Variants in NEB observed in about 807,000 individuals in gnomAD.
NEB encodes nemaline myopathy type 2.
Under a neutral mutation model 952.2 loss-of-function variants are expected in NEB, and 512 were observed. That is an observed-to-expected ratio of 0.54 (90% confidence interval 0.50 to 0.58). The LOEUF (loss-of-function observed/expected upper bound fraction) is 0.58, where lower values mean the gene tolerates loss of function less well. NEB is among the 20% of genes least tolerant of loss of function. NEB has a pLI of 0.00. For synonymous variants in NEB, 2,900 were observed against 3,149.8 expected, an observed-to-expected ratio of 0.92 and a Z score of 2.66; for missense variants, 8,428 against 9,231.1, an observed-to-expected ratio of 0.91 and a Z score of 3.56.
At chr2:151,490,591 A>G (rs1368940813) in intron 179 of NEB, 73 bp from the exon 180 acceptor site, 6 of 1,518,702 alleles carry the variant, frequency 4.0e-6, no homozygotes, top group Non-Finnish European at 5.4e-6. Flanking sequence ...ACAGTGATTG[A>G]ATCTCAGTTA....
At chr2:151,568,575 A>G in intron 111 of NEB, 43 bp downstream of exon 111, 2 of 1,506,540 alleles carry the variant, frequency 1.3e-6, no homozygotes, top group East Asian at 2.3e-5. Flanking sequence ...TTTGGAAGTG[A>G]TATCTGCATC....
At chr2:151,654,860 T>C (rs2099071187) in intron 51 of NEB, among the ~76,000 whole-genome samples, 2 of 152,206 alleles carry the variant, frequency 1.3e-5, no homozygotes, top group South Asian at 4.1e-4. Flanking sequence ...TATTTATGTA[T>C]TTATTTATTA....
At chr2:151,634,067 T>A in intron 64 of NEB, 102 bp from the exon 65 acceptor site, 1 of 1,326,094 alleles carries the variant, frequency 7.5e-7, no homozygotes, top group South Asian at 1.4e-5. Context: ...CTGACTTTTG[T>A]TAACAAGTAC....
At chr2:151,709,060 G>A (rs1440976140) in intron 12 of NEB, among the ~76,000 whole-genome samples, 2 of 152,210 alleles carry the variant, frequency 1.3e-5, no homozygotes, top group African/African-American at 4.8e-5. Context: ...TCTCTTTAGT[G>A]ACCATCGTGC....
In NEB at chr2:151,493,465, A is replaced by G. The variant is rs886038450; in HGVS notation, c.24673-20T>C. ...CAATACCTAGGGAAGCCAAAAGAGC[A>G]TCTAGGCATCAGACAGCAGAAAACC... On this transcript the variant is annotated intron_variant, in intron 175 of 181. Coordinates refer to ENST00000397345, the MANE Select transcript of NEB (RefSeq NM_001164508.2). 3 of 1,507,912 alleles carry G rather than the reference A, an allele frequency of 2.0e-6. No homozygotes were observed. Among genetic ancestry groups the G allele is most frequent in the Non-Finnish European group, 2.7e-6 (3 of 1,107,776 alleles). 93.4% of individuals were successfully genotyped at this position (1,507,912 alleles called of 1,614,324 possible). A position where few individuals can be genotyped will look rare whatever the true frequency, so the allele number is the denominator to read the frequency against.
At chr2:151,567,018 T>C in intron 114 of NEB, 150 bp downstream of exon 114, 1 of 674,488 alleles carries the variant, frequency 1.5e-6, no homozygotes, top group South Asian at 2.5e-5. Context: ...CTGCTCCTGA[T>C]CTTTCTTCAT....
intron 121 of NEB, among the ~76,000 whole-genome samples, chr2:151,561,572 CTT>C (rs376827489): frequency 1.3e-4 from 18 of 133,634 alleles, no homozygotes; most frequent in Middle Eastern, 4.0e-3. Context: ...CAGCCCCTCA[CTT>C]TTTTTTTTTT....
Position 151,516,746 on chromosome 2 carries a change from T to C in NEB, c.22801-183A>G, listed in dbSNP as rs544217482. Among the ~76,000 whole-genome samples the C allele has an allele frequency of 2.6e-5, 4 of 152,306 alleles. No individual in the cohort carries two copies. In the South Asian group the frequency reaches 8.3e-4, roughly 32 times the overall value. On this transcript the variant is annotated intron_variant, in intron 156 of 181. Transcript: ENST00000397345. ...TGTTGTTGTCTAGGTGTTGAGGGGATGGGTACCATTACTGTCTGCAAGGCA... is the reference window on the plus strand; with the variant it reads ...TGTTGTTGTCTAGGTGTTGAGGGGACGGGTACCATTACTGTCTGCAAGGCA...
chr2:151,553,525 ATC>A, intron 126 of NEB, 23 bp from the exon 127 acceptor site: 1 of 1,504,962 alleles, frequency 6.6e-7, no homozygotes. Flanking sequence ...GATAGAAAGG[ATC>A]AGAAAAAAAA....
At chr2:151,622,599 T>C (rs2098441111) in intron 71 of NEB, among the ~76,000 whole-genome samples, 1 of 152,136 alleles carries the variant, frequency 6.6e-6, no homozygotes, top group Non-Finnish European at 1.5e-5. Context: ...TTACTTATTA[T>C]TATTATTTTC....
intron 6 of NEB, 73 bp from the exon 7 acceptor site, chr2:151,725,034 C>T: frequency 8.7e-7 from 1 of 1,149,246 alleles, no homozygotes; most frequent in African/African-American, 1.5e-5. Context: ...TTTCTTATAA[C>T]CACAGAGCAT....
rs556624010 is a variant in NEB at position 151,554,953 on chromosome 2, C to T, written c.19406G>A (p.Arg6469Gln). Reference sequence around the variant, plus strand: ...TACATCGATGTTAAGCTTGCCAACTCGGAGGCACCGTGCTGTGTTCGGATC... The same window carrying T: ...TACATCGATGTTAAGCTTGCCAACTTGGAGGCACCGTGCTGTGTTCGGATC... ...DDDPNTARCLRVGKLNIDRLY... is the reference protein window; with the variant it reads ...DDDPNTARCLQVGKLNIDRLY... The change falls in exon 125 of 182, where the codon CGA becomes CAA. Residue 6469 changes from arginine (R) to glutamine (Q), a missense_variant. By Grantham distance (43) the Arg-to-Gln change is conservative. This residue lies in a region of NEB where 3,374 missense variants were observed against 3,651.5 expected (regional missense o/e 0.92). Coordinates refer to ENST00000397345, the MANE Select transcript of NEB (RefSeq NM_001164508.2). The T allele has an allele frequency of 3.7e-5, 60 of 1,613,656 alleles. No homozygotes were observed. The African/African-American group carries it at 4.4e-4, about 12-fold the overall frequency.
chr2:151,731,611 T>C (rs567006996), intron 3 of NEB, among the ~76,000 whole-genome samples: 1 of 152,288 alleles, frequency 6.6e-6, no homozygotes, highest in South Asian at 2.1e-4. Flanking sequence ...CAGACACAGA[T>C]GCTGTAATGG....
At chr2:151,579,217 T>C (rs2097038735) in intron 105 of NEB, 121 bp downstream of exon 105, 1 of 647,054 alleles carries the variant, frequency 1.5e-6, no homozygotes, top group Non-Finnish European at 2.5e-6. Flanking sequence ...AGGCAATTAA[T>C]AATTCTGATA....
At chr2:151,550,261 G>C (rs1272908148) in intron 129 of NEB, among the ~76,000 whole-genome samples, 1 of 67,756 alleles carries the variant, frequency 1.5e-5, no homozygotes, top group East Asian at 4.7e-4. Context: ...AGGAGACCCT[G>C]TCTCCAAAAA....
intron 95 of NEB, among the ~76,000 whole-genome samples, 155 bp downstream of exon 95, chr2:151,591,879 C>T (rs1303459861): frequency 1.3e-5 from 2 of 152,306 alleles, no homozygotes; most frequent in African/African-American, 2.4e-5. Context: ...CACAGACACA[C>T]GCAGACCCAC....
chr2:151,717,520 C>A lies in NEB; in HGVS notation c.718G>T (p.Val240Phe). The change falls in exon 10 of 182, where the codon GTT (valine) becomes TTT (phenylalanine). Residue 240 changes from valine to phenylalanine, a missense_variant and splice_region_variant. Physicochemically the swap from Val to Phe is conservative, Grantham distance 50. Coordinates refer to ENST00000397345, the MANE Select transcript of NEB (RefSeq NM_001164508.2). ...TCAGCGAGACCTTTTTTGTAGGCAA[C>A]CTGATGAAATAAAAGACAGGGATGT... ...VAQAQKALSD[V>F]AYKKGLAEQQ... 6.2e-7 allele frequency: 1 copy of A among 1,608,474 alleles called. No homozygotes were observed. The highest frequency in any genetic ancestry group is 8.5e-7 in the Non-Finnish European group (1 of 1,175,048).
In NEB at chr2:151,492,272, G is replaced by C; in HGVS notation, c.24883C>G (p.His8295Asp). The stretch of plus-strand genomic sequence containing the variant: ...CCCTTGTGTTTCTCAAAGTCTTCAT[G>C]ATATTTCACCTGAAATGTCATGAAT... ...TQRHISTVKYHEDFEKHKGCF... is the reference protein window; with the variant it reads ...TQRHISTVKYDEDFEKHKGCF... Residue 8295 changes from histidine to aspartate, a missense_variant, in exon 178 of 182, where the codon CAT (histidine) becomes GAT (aspartate). This residue lies in a region of NEB where 3,374 missense variants were observed against 3,651.5 expected (regional missense o/e 0.92). Coordinates refer to ENST00000397345, the MANE Select transcript of NEB (RefSeq NM_001164508.2). 6.2e-7 allele frequency: 1 copy of C among 1,611,358 alleles called. No homozygotes were observed. Among genetic ancestry groups the C allele is most frequent in the Non-Finnish European group, 8.5e-7 (1 of 1,178,174 alleles).
chr2:151,662,367 T>C (rs376617021), intron 45 of NEB, 26 bp from the exon 46 acceptor site: 11 of 1,522,094 alleles, frequency 7.2e-6, no homozygotes, highest in African/African-American at 2.8e-5. Context: ...AATTAAATTA[T>C]GAGAAGAAAC....
Sources: gnomAD v4.1 joint callset for allele counts (sites outside exome capture counted in the v4.1 genomes callset) on GRCh38, gnomAD v4.1.1 for gene constraint, gnomAD v4.1.1 regional missense constraint, MANE v1.5 for transcripts, NCBI Gene and HGNC (gene_info 2026-07-23, HGNC 2026-07-21) for gene names.